The following GSE1 variants were observed in gnomAD, a reference collection of about 807,000 sequenced individuals.
GSE1 encodes the protein Gse1 coiled-coil protein, also known as genetic suppressor element 1.
GSE1 carries 32 observed loss-of-function variants against 112.6 expected under a neutral mutation model. The ratio of observed to expected loss-of-function variants is 0.28; its 90% CI spans 0.21 to 0.38. The LOEUF (loss-of-function observed/expected upper bound fraction) is 0.38, where lower values mean the gene tolerates loss of function less well. Among genes scored for constraint, GSE1 ranks in the 10% least tolerant of loss-of-function variants. The pLI is 1.00. For missense variants in GSE1, 2,348 were observed against 1,699.2 expected, an observed-to-expected ratio of 1.38 and a Z score of -6.71; for synonymous variants, 1,115 against 735.6, an observed-to-expected ratio of 1.52 and a Z score of -8.35.
At chr16:85,387,321 G>A (rs1314215429) in intron 2 of GSE1, among the ~76,000 whole-genome samples, 2 of 152,106 alleles carry the variant, frequency 1.3e-5, no homozygotes, top group Non-Finnish European at 2.9e-5. Context: ...GCTGTGGAAC[G>A]CTGGGAGTGC....
chr16:85,534,031 C>T (rs1161297327), intron 2 of GSE1, among the ~76,000 whole-genome samples: 1 of 152,080 alleles, frequency 6.6e-6, no homozygotes, highest in Admixed American at 6.5e-5. Flanking sequence ...CGTTCCTTCT[C>T]AGGTATTCCT....
intron 2 of GSE1, among the ~76,000 whole-genome samples, chr16:85,647,438 C>G (rs1216747737): frequency 6.6e-6 from 1 of 152,192 alleles, no homozygotes; most frequent in Admixed American, 6.5e-5. Context: ...TGAATTATAT[C>G]TCATTTTCTG....
chr16:85,427,020 T>G (rs916234167), intron 2 of GSE1, among the ~76,000 whole-genome samples: 1 of 152,162 alleles, frequency 6.6e-6, no homozygotes, highest in African/African-American at 2.4e-5. Flanking sequence ...AATGGAGCTA[T>G]GAGGCTGTCC....
chr16:85,315,967 G>T (rs2045977270), intron 1 of GSE1, among the ~76,000 whole-genome samples: 1 of 152,236 alleles, frequency 6.6e-6, no homozygotes, highest in Non-Finnish European at 1.5e-5. Flanking sequence ...GGCTGGAGGG[G>T]CAGGGCTGGT....
chr16:85,279,252 G>A (rs1226692430), intron 1 of GSE1, among the ~76,000 whole-genome samples: 1 of 152,172 alleles, frequency 6.6e-6, no homozygotes, highest in Non-Finnish European at 1.5e-5. Context: ...TGTACTCTAC[G>A]GGTTCTATTC....
chr16:85,518,549 G>A lies in GSE1; in HGVS notation c.2465-115365G>A, dbSNP rs184739493. ...CAGGGTGGGTCACATTCAGCTTCCG[G>A]CCCCAATTCTGCCTTCAGCCAGCAG... On this transcript the variant is annotated intron_variant, in intron 2 of 2. Coordinates refer to the GSE1 transcript ENST00000637419. 2.6e-5 allele frequency among the ~76,000 whole-genome samples: 4 copies of A among 152,178 alleles called. No individual in the cohort carries two copies. The East Asian group carries it at 5.8e-4, about 22-fold the overall frequency.
chr16:85,357,962 A>G (rs1027651319), intron 2 of GSE1, among the ~76,000 whole-genome samples: 1 of 152,078 alleles, frequency 6.6e-6, no homozygotes, highest in African/African-American at 2.4e-5. Flanking sequence ...AAATGATGTT[A>G]TGGATAGTCT....
intron 1 of GSE1, among the ~76,000 whole-genome samples, chr16:85,190,327 A>G (rs1215615009): frequency 6.6e-6 from 1 of 152,254 alleles, no homozygotes; most frequent in East Asian, 1.9e-4. Context: ...CACAGATCAT[A>G]AAGAATTGCT....
intron 1 of GSE1, among the ~76,000 whole-genome samples, chr16:85,272,731 CTTGCTTGT>C (rs1490427941): frequency 4.3e-4 from 53 of 122,672 alleles, no homozygotes; most frequent in Middle Eastern, 8.1e-3. Context: ...GGCCCTACTT[CTTGCTTGT>C]TTGCTTGCTT....
rs1567555794 is a variant in GSE1, at chr16:85,519,557, A to ATCACCAGT, written c.2465-114357_2465-114356insTCACCAGT. On this transcript the variant is annotated intron_variant, in intron 2 of 2. Transcript: ENST00000637419. ...CACCATCATCACTATTACCACCATC[A>ATCACCAGT]CTATCATCATCACCATCACCAGTCT... 6.9e-4 allele frequency among the ~76,000 whole-genome samples: 22 copies of ATCACCAGT among 31,804 alleles called. 7 individuals are homozygous for ATCACCAGT. The highest frequency in any genetic ancestry group is 4.4e-3 in the African/African-American group (21 of 4,770). 20.9% of individuals were successfully genotyped at this position (31,804 alleles called of 152,430 possible).
intron 1 of GSE1, among the ~76,000 whole-genome samples, chr16:85,316,051 C>G (rs578229053): frequency 6.6e-6 from 1 of 152,178 alleles, no homozygotes. Flanking sequence ...ATGTCCCACC[C>G]GATGGACGGC....
chr16:85,339,290 G>A (rs1164522257), intron 1 of GSE1, among the ~76,000 whole-genome samples: 7 of 152,150 alleles, frequency 4.6e-5, no homozygotes, highest in Admixed American at 1.3e-4. Context: ...ATTTCCAGCC[G>A]GCGACATCCT....
At chr16:85,180,386 C>T (rs1251905699) in intron 1 of GSE1, among the ~76,000 whole-genome samples, 1 of 152,246 alleles carries the variant, frequency 6.6e-6, no homozygotes, top group African/African-American at 2.4e-5. Flanking sequence ...CCACGCTATC[C>T]TGCCCATCAT....
At chr16:85,437,088 A>G (rs1354031016) in intron 2 of GSE1, among the ~76,000 whole-genome samples, 1 of 152,198 alleles carries the variant, frequency 6.6e-6, no homozygotes, top group Admixed American at 6.5e-5. Context: ...CGGTCTCACA[A>G]GCTACCACAC....
intron 1 of GSE1, among the ~76,000 whole-genome samples, chr16:85,340,459 G>T (rs1241659117): frequency 6.6e-6 from 1 of 152,132 alleles, no homozygotes. Flanking sequence ...GGCCAACATG[G>T]TGAAACCCCA....
At chr16:85,224,323 AAAAAAAAAG>A (rs1221821812) in intron 1 of GSE1, among the ~76,000 whole-genome samples, 16 of 149,120 alleles carry the variant, frequency 1.1e-4, no homozygotes, top group South Asian at 8.5e-4. Context: ...AAAAAAAAAA[AAAAAAAAAG>A]GGAACACACA....
intron 1 of GSE1, among the ~76,000 whole-genome samples, chr16:85,232,025 C>T (rs1904291962): frequency 6.6e-6 from 1 of 152,180 alleles, no homozygotes; most frequent in Non-Finnish European, 1.5e-5. Flanking sequence ...CCTCAGGGGA[C>T]CTGGGCCAAG....
intron 2 of GSE1, among the ~76,000 whole-genome samples, chr16:85,499,033 G>A (rs961306708): frequency 6.6e-6 from 1 of 152,232 alleles, no homozygotes; most frequent in Non-Finnish European, 1.5e-5. Context: ...TTTGGTGGAA[G>A]GCAGGGCTTT....
chr16:85,552,614 G>A (rs2044981646), upstream of GSE1, among the ~76,000 whole-genome samples: 1 of 152,216 alleles, frequency 6.6e-6, no homozygotes, highest in Non-Finnish European at 1.5e-5. Context: ...TTACAGGCGT[G>A]AGCCACCGCG....
Sources: gnomAD v4.1 joint callset for allele counts (sites outside exome capture counted in the v4.1 genomes callset) on GRCh38, gnomAD v4.1.1 for gene constraint, MANE v1.5 for transcripts, NCBI Gene and HGNC (gene_info 2026-07-23, HGNC 2026-07-21) for gene names.